TSPEAR: variants seen among roughly 807,000 people sequenced by gnomAD.
TSPEAR encodes the protein thrombospondin type laminin G domain and EAR repeats.
A neutral mutation model predicts 71.6 loss-of-function variants in TSPEAR; 69 were observed. The observed-to-expected ratio is 0.96, with a 90% CI of 0.79 to 1.18. The LOEUF (loss-of-function observed/expected upper bound fraction) is 1.18. Ranked by LOEUF, TSPEAR falls within the 50% of genes most tolerant of loss-of-function variation. TSPEAR has a pLI of 0.00. For missense variants in TSPEAR, 971 were observed against 894.9 expected (o/e 1.09, Z -1.09); for synonymous variants, 402 against 387.2 (o/e 1.04, Z -0.45).
At chr21:44,600,989 T>C in intron 1 of TSPEAR, 2 of 1,608,426 alleles carry the variant, frequency 1.2e-6, no homozygotes, top group Non-Finnish European at 1.7e-6. Flanking sequence ...TGCAAGCCTG[T>C]GTACTGTGTG....
rs1555914343 is a variant in TSPEAR at position 44,522,013 on chromosome 21, C to T, written c.1436G>A (p.Trp479Ter). ...GTAGGGCCCCACACTGAAGAACTCC[C>T]AGTCGTAGGCGCCGGAGGTGGCGAT... ...QTIATSGAYD[W>*]EFFSVGPYSF... The change falls in exon 9 of 12, where the codon TGG (tryptophan) becomes TAG (stop). Residue 479 changes from tryptophan (W) to a stop codon, truncating the protein, a stop_gained. Coordinates refer to ENST00000323084, the MANE Select transcript of TSPEAR (RefSeq NM_144991.3). LOFTEE classifies it high-confidence loss of function. The T allele has an allele frequency of 1.2e-6, 2 of 1,614,050 alleles. No homozygotes were observed. The highest frequency in any genetic ancestry group is 1.7e-6 in the Non-Finnish European group (2 of 1,180,028).
At chr21:44,500,415 T>C (rs1189335608) in intron 11 of TSPEAR, among the ~76,000 whole-genome samples, 1 of 152,250 alleles carries the variant, frequency 6.6e-6, no homozygotes, top group East Asian at 1.9e-4. Context: ...GGGCGGCTGC[T>C]GGCCGCCAGG....
intron 2 of TSPEAR, among the ~76,000 whole-genome samples, chr21:44,544,261 G>A (rs964783760): frequency 1.1e-4 from 16 of 151,946 alleles, no homozygotes; most frequent in African/African-American, 3.9e-4. Context: ...GTGGGATTCT[G>A]TAGATGTGAT....
chr21:44,697,131 T>C lies in TSPEAR; in HGVS notation c.82+14302A>G, dbSNP rs1329232601. On this transcript the variant is annotated intron_variant, in intron 1 of 11. Coordinates refer to ENST00000323084, the MANE Select transcript of TSPEAR (RefSeq NM_144991.3). ...ACACTCACTCACTCCCTCCTTCCCA[T>C]CCAGCACCCAGACACTCACTGTCTC... 1.9e-6 allele frequency: 3 copies of C among 1,575,676 alleles called. No individual in the cohort carries two copies. In the African/African-American group the frequency reaches 4.1e-5, roughly 21 times the overall value.
chr21:44,667,110 G>A (rs139004542), intron 1 of TSPEAR, among the ~76,000 whole-genome samples: 2 of 152,232 alleles, frequency 1.3e-5, no homozygotes, highest in South Asian at 2.1e-4. Flanking sequence ...CACCTTCTTC[G>A]AACTCTTGGT....
rs782733497 is a variant in TSPEAR, at chr21:44,627,640, G to A, written c.83-59635C>T. 4 of 1,608,690 alleles carry A rather than the reference G, an allele frequency of 2.5e-6. No individual in the cohort carries two copies. The African/African-American group carries it at 5.5e-5, about 22-fold the overall frequency. On this transcript the variant is annotated intron_variant, in intron 1 of 11. Transcript: ENST00000323084. Reference sequence around the variant, plus strand: ...TGTGTGCTGTGCGCCCACCTGCTCTGAGGATTCCTATTCATGCTGCCAACA... The same window carrying A: ...TGTGTGCTGTGCGCCCACCTGCTCTAAGGATTCCTATTCATGCTGCCAACA...
chr21:44,651,605 C>T (rs587758292), intron 1 of TSPEAR, among the ~76,000 whole-genome samples: 67 of 152,278 alleles, frequency 4.4e-4, no homozygotes, highest in South Asian at 2.1e-4. Flanking sequence ...TCTCCTCTGG[C>T]CAAATGTCCT....
chr21:44,638,277 C>G, intron 1 of TSPEAR: 1 of 1,462,156 alleles, frequency 6.8e-7, no homozygotes, highest in Non-Finnish European at 9.1e-7. Context: ...GAAGGTGGGG[C>G]AGGCTCTTTG....
chr21:44,512,268 T>A (rs2052408265), intron 9 of TSPEAR, among the ~76,000 whole-genome samples: 1 of 148,380 alleles, frequency 6.7e-6, no homozygotes, highest in Admixed American at 6.8e-5. Flanking sequence ...GGAGGTCAGA[T>A]GTATGTGGAC....
At chr21:44,676,068 A>T in intron 1 of TSPEAR, 1 of 870,438 alleles carries the variant, frequency 1.1e-6, no homozygotes, top group Non-Finnish European at 2.0e-6. Context: ...TAGGAGGCAT[A>T]TGACAGTAAT....
chr21:44,652,022 C>T (rs995940585), intron 1 of TSPEAR, among the ~76,000 whole-genome samples: 6 of 136,032 alleles, frequency 4.4e-5, no homozygotes, highest in East Asian at 4.4e-4. Context: ...CTCACTGTGT[C>T]GCCCAGGCTG....
In TSPEAR at chr21:44,612,191, T is replaced by C. The variant is rs1555931134; in HGVS notation, c.83-44186A>G. ...TGACGTGGGCCATGTCAGCCGAGTCTCCTCCCCCAGCACCTGCACTGGCTC... is the reference window on the plus strand; with the variant it reads ...TGACGTGGGCCATGTCAGCCGAGTCCCCTCCCCCAGCACCTGCACTGGCTC... On this transcript the variant is annotated intron_variant, in intron 1 of 11. Transcript: ENST00000323084. This position sits in a 1 kb window ranked among gnomAD's most constrained non-coding sequence, Gnocchi z 4.1. 1.2e-5 allele frequency: 19 copies of C among 1,613,878 alleles called. No homozygotes were observed. The highest frequency in any genetic ancestry group is 1.6e-5 in the Non-Finnish European group (19 of 1,179,960).
intron 2 of TSPEAR, chr21:44,558,785 G>A: frequency 6.5e-7 from 1 of 1,533,228 alleles, no homozygotes; most frequent in African/African-American, 1.4e-5. Flanking sequence ...GAGGGAGTGA[G>A]TGAGTGATCG....
chr21:44,521,656 G>A (rs587656754), intron 9 of TSPEAR, among the ~76,000 whole-genome samples: 80 of 152,374 alleles, frequency 5.3e-4, no homozygotes, highest in South Asian at 5.0e-3. Context: ...CACCTGGACT[G>A]TCCCTGGGCG....
chr21:44,510,029 T>A (rs1393383613), intron 9 of TSPEAR: 1 of 152,762 alleles, frequency 6.5e-6, no homozygotes, highest in Non-Finnish European at 1.5e-5. Flanking sequence ...GTTCCTGTGC[T>A]TGCCATTCCT....
rs1986919134 is a variant in TSPEAR, at chr21:44,687,607, G to A, written c.82+23826C>T. ...CAATTCATGCTTTAAAAAATTCTCA[G>A]CAGTGGCCATCTCTGGGGGATTGGG... On this transcript the variant is annotated intron_variant, in intron 1 of 11. Coordinates refer to ENST00000323084, the MANE Select transcript of TSPEAR (RefSeq NM_144991.3). This position sits in a 1 kb window ranked among gnomAD's most constrained non-coding sequence, Gnocchi z 4.4. Among the ~76,000 whole-genome samples the A allele has an allele frequency of 6.6e-6, 1 of 152,178 alleles. No individual in the cohort carries two copies. Among genetic ancestry groups the A allele is most frequent in the African/African-American group, 2.4e-5 (1 of 41,432 alleles).
rs1986908418 is a variant in TSPEAR at position 44,687,404 on chromosome 21, T to A, written c.82+24029A>T. On this transcript the variant is annotated intron_variant, in intron 1 of 11. Coordinates refer to ENST00000323084, the MANE Select transcript of TSPEAR (RefSeq NM_144991.3). The surrounding 1 kb of genome is among the most constrained non-coding windows in gnomAD (Gnocchi z 4.4). Reference sequence around the variant, plus strand: ...GCCCATGTGCCCATTAGCTGGTGGATGGATAAACACAGCGTGACAGAGCGG... The same window carrying A: ...GCCCATGTGCCCATTAGCTGGTGGAAGGATAAACACAGCGTGACAGAGCGG... 6.6e-6 allele frequency among the ~76,000 whole-genome samples: 1 copy of A among 152,080 alleles called. No individual in the cohort carries two copies. Among genetic ancestry groups the A allele is most frequent in the Admixed American group, 6.5e-5 (1 of 15,272 alleles).
intron 9 of TSPEAR, chr21:44,518,180 ATAACT>A: frequency 7.7e-6 from 3 of 387,736 alleles, no homozygotes; most frequent in South Asian, 6.1e-5. Context: ...GAAGACAAGT[ATAACT>A]TAAAAAAATT....
chr21:44,666,754 A>C (rs1555944874), intron 1 of TSPEAR: 4 of 1,614,036 alleles, frequency 2.5e-6, no homozygotes, highest in Admixed American at 3.3e-5. Flanking sequence ...ACGGGCACAC[A>C]CACGGAGGAC....
Sources: gnomAD v4.1 joint callset for allele counts (sites outside exome capture counted in the v4.1 genomes callset) on GRCh38, gnomAD v4.1.1 for gene constraint, Gnocchi (gnomAD v3.1) non-coding constraint, MANE v1.5 for transcripts, NCBI Gene and HGNC (gene_info 2026-07-23, HGNC 2026-07-21) for gene names.